Variants in LRRC4C observed in about 807,000 individuals in gnomAD.
LRRC4C encodes the protein leucine-rich repeat-containing protein 4C.
LRRC4C carries 5 observed loss-of-function variants against 33.6 expected under a neutral mutation model. The ratio of observed to expected loss-of-function variants is 0.15; its 90% confidence interval spans 0.08 to 0.31. LRRC4C has a LOEUF of 0.31. LRRC4C is among the 10% of genes least tolerant of loss of function. The pLI is 1.00. For synonymous variants in LRRC4C, 329 were observed against 302.0 expected (o/e 1.09, Z -0.93); for missense variants, 560 against 796.7 (o/e 0.70, Z 3.58).
intron 3 of LRRC4C, among the ~76,000 whole-genome samples, chr11:40,323,687 G>T (rs1344320415): frequency 2.0e-5 from 3 of 152,196 alleles, no homozygotes; most frequent in Admixed American, 6.5e-5. Context: ...TCCTCTTATG[G>T]ATTTTTTCAT....
intron 1 of LRRC4C, among the ~76,000 whole-genome samples, chr11:41,115,613 T>G (rs1942076628): frequency 6.6e-6 from 1 of 152,080 alleles, no homozygotes; most frequent in African/African-American, 2.4e-5. Context: ...TTTAAACACT[T>G]GTGAGTTTCA....
At chr11:41,239,005 G>T (rs1369829159) in intron 1 of LRRC4C, among the ~76,000 whole-genome samples, 5 of 151,776 alleles carry the variant, frequency 3.3e-5, no homozygotes, top group African/African-American at 1.2e-4. Context: ...CCTAGGAAAG[G>T]ATTCTTTGTT....
At chr11:41,012,958 C>G (rs1855317316) in intron 1 of LRRC4C, among the ~76,000 whole-genome samples, 1 of 152,038 alleles carries the variant, frequency 6.6e-6, no homozygotes, top group African/African-American at 2.4e-5. Flanking sequence ...AGTTTGAGCT[C>G]CTTATATACT....
chr11:41,161,415 A>C (rs1157289013), intron 1 of LRRC4C, among the ~76,000 whole-genome samples: 2 of 152,180 alleles, frequency 1.3e-5, no homozygotes. Flanking sequence ...CACATATGCT[A>C]TGTAATATTC....
At chr11:40,266,125 A>G (rs1006532410) in intron 4 of LRRC4C, among the ~76,000 whole-genome samples, 7 of 152,028 alleles carry the variant, frequency 4.6e-5, no homozygotes, top group African/African-American at 1.7e-4. Flanking sequence ...TGGCAAAACC[A>G]CATCTCTACA....
intron 1 of LRRC4C, among the ~76,000 whole-genome samples, chr11:41,298,245 C>T (rs1180042139): frequency 6.6e-6 from 1 of 152,070 alleles, no homozygotes; most frequent in Admixed American, 6.6e-5. Context: ...ATTTCAAGTA[C>T]AAATTACAGA....
chr11:40,766,893 A>G (rs566282335), intron 2 of LRRC4C, among the ~76,000 whole-genome samples: 1 of 151,542 alleles, frequency 6.6e-6, no homozygotes, highest in African/African-American at 2.4e-5. Context: ...GGGGAGGAAA[A>G]GAGGAAAGGA....
chr11:41,277,065 A>T (rs868185304), intron 1 of LRRC4C, among the ~76,000 whole-genome samples: 14 of 152,218 alleles, frequency 9.2e-5, no homozygotes, highest in Admixed American at 4.6e-4. Flanking sequence ...TAGCAACCTT[A>T]TTCATTTTGT....
At chr11:41,074,903 C>T (rs148580827) in intron 1 of LRRC4C, among the ~76,000 whole-genome samples, 44 of 151,934 alleles carry the variant, frequency 2.9e-4, no homozygotes, top group African/African-American at 8.5e-4. Context: ...TGGAGGCCAA[C>T]GAAATGGGCT....
chr11:41,198,276 G>A (rs908600386), intron 1 of LRRC4C, among the ~76,000 whole-genome samples: 4 of 151,748 alleles, frequency 2.6e-5, no homozygotes, highest in African/African-American at 7.3e-5. Flanking sequence ...GATTTTTTAT[G>A]TTCCTATTTA....
At chr11:40,463,871 T>C (rs1402539866) in intron 3 of LRRC4C, among the ~76,000 whole-genome samples, 2 of 152,144 alleles carry the variant, frequency 1.3e-5, no homozygotes, top group Middle Eastern at 3.4e-3. Context: ...TCTATAGCAG[T>C]CTATAGAAAA....
chr11:41,214,548 C>T (rs1396975993), intron 1 of LRRC4C, among the ~76,000 whole-genome samples: 5 of 132,040 alleles, frequency 3.8e-5, no homozygotes, highest in East Asian at 2.1e-4. Context: ...TGGCTAACAC[C>T]GTGAAACCCC....
intron 3 of LRRC4C, among the ~76,000 whole-genome samples, chr11:40,545,585 C>T (rs1233632394): frequency 6.6e-6 from 1 of 151,916 alleles, no homozygotes; most frequent in Non-Finnish European, 1.5e-5. Context: ...CTTTCAGGAA[C>T]GTTAGCAGCA....
intron 5 of LRRC4C, among the ~76,000 whole-genome samples, chr11:40,220,300 A>C (rs752111641): frequency 6.6e-6 from 1 of 152,216 alleles, no homozygotes; most frequent in Non-Finnish European, 1.5e-5. Context: ...GTTAACTGTC[A>C]TGAAAGTTTT....
chr11:40,177,792 C>T (rs1448067423), intron 5 of LRRC4C, among the ~76,000 whole-genome samples: 1 of 152,120 alleles, frequency 6.6e-6, no homozygotes, highest in East Asian at 1.9e-4. Context: ...GTTATTGCTT[C>T]TTTTCTATTT....
chr11:40,510,444 T>G (rs1222075064), intron 3 of LRRC4C, among the ~76,000 whole-genome samples: 1 of 152,104 alleles, frequency 6.6e-6, no homozygotes, highest in Non-Finnish European at 1.5e-5. Context: ...TAATGACTAT[T>G]TTACTCAATA....
At chr11:40,505,625 A>G (rs561212173) in intron 3 of LRRC4C, among the ~76,000 whole-genome samples, 2 of 152,220 alleles carry the variant, frequency 1.3e-5, no homozygotes, top group African/African-American at 4.8e-5. Context: ...ATTCCACTCA[A>G]TGGTTGACTT....
chr11:40,605,118 T>G (rs1486714057), intron 3 of LRRC4C, among the ~76,000 whole-genome samples: 3 of 152,132 alleles, frequency 2.0e-5, no homozygotes, highest in African/African-American at 7.2e-5. Flanking sequence ...CCGAACATTT[T>G]TATGGAAATT....
intron 2 of LRRC4C, among the ~76,000 whole-genome samples, chr11:40,702,455 C>A (rs1210444017): frequency 6.6e-6 from 1 of 152,090 alleles, no homozygotes; most frequent in Non-Finnish European, 1.5e-5. Context: ...CTCTTTCCTT[C>A]TTTTATTCCT....
Sources: gnomAD v4.1 joint callset for allele counts (sites outside exome capture counted in the v4.1 genomes callset) on GRCh38, gnomAD v4.1.1 for gene constraint, MANE v1.5 for transcripts, NCBI Gene and HGNC (gene_info 2026-07-23, HGNC 2026-07-21) for gene names.